Variants in GABRB1 observed in about 807,000 individuals in gnomAD.
GABRB1 encodes the protein gamma-aminobutyric acid receptor subunit beta-1.
In GABRB1, 17 loss-of-function variants were observed where a neutral mutation model predicts 51.6. The ratio of observed to expected loss-of-function variants is 0.33; its 90% CI spans 0.23 to 0.49. GABRB1 has a LOEUF of 0.49. Ranked by LOEUF, GABRB1 falls within the 20% of genes least tolerant of loss-of-function variation. The pLI is 0.99. For missense variants in GABRB1, 410 were observed against 600.6 expected, an observed-to-expected ratio of 0.68 and a Z score of 3.32; for synonymous variants, 247 against 218.9, an observed-to-expected ratio of 1.13 and a Z score of -1.14.
intron 4 of GABRB1, among the ~76,000 whole-genome samples, chr4:47,198,030 G>C (rs376833876): frequency 9.2e-5 from 14 of 152,120 alleles, no homozygotes; most frequent in East Asian, 5.8e-4. Context: ...AATATCACGA[G>C]AGGGCAGCGG....
At chr4:47,003,666 T>C (rs1298861189) in intron 1 of GABRB1, among the ~76,000 whole-genome samples, 1 of 152,178 alleles carries the variant, frequency 6.6e-6, no homozygotes, top group Non-Finnish European at 1.5e-5. Context: ...TACATTCTTT[T>C]AAGTATGGGA....
chr4:47,092,602 T>C, intron 3 of GABRB1, among the ~76,000 whole-genome samples: 1 of 148,778 alleles, frequency 6.7e-6, no homozygotes, highest in South Asian at 2.2e-4. Flanking sequence ...TGGCATCCAG[T>C]TTCTTTCTTT....
intron 3 of GABRB1, among the ~76,000 whole-genome samples, chr4:47,074,978 A>G (rs902810548): frequency 3.3e-5 from 5 of 152,184 alleles, no homozygotes; most frequent in African/African-American, 1.2e-4. Flanking sequence ...TTGCCAAGGT[A>G]TGATGAGGAA....
intron 5 of GABRB1, among the ~76,000 whole-genome samples, chr4:47,379,463 T>C (rs992857924): frequency 2.6e-5 from 4 of 152,202 alleles, no homozygotes; most frequent in Non-Finnish European, 5.9e-5. Flanking sequence ...TGTGAACTAA[T>C]GTAAGGTTTT....
intron 1 of GABRB1, among the ~76,000 whole-genome samples, chr4:47,005,783 G>A (rs1577817323): frequency 5.0e-5 from 2 of 40,042 alleles, no homozygotes; most frequent in African/African-American, 1.6e-4. Context: ...AACTCTGAAA[G>A]AGTCAACTTG....
intron 5 of GABRB1, among the ~76,000 whole-genome samples, chr4:47,346,580 C>A (rs1327913782): frequency 2.6e-5 from 4 of 152,188 alleles, no homozygotes; most frequent in Non-Finnish European, 4.4e-5. Context: ...TGATGAAAAT[C>A]TGATGCCAGA....
intron 8 of GABRB1, among the ~76,000 whole-genome samples, chr4:47,407,926 TA>T (rs1238667872): frequency 1.3e-5 from 2 of 152,104 alleles, no homozygotes; most frequent in African/African-American, 4.8e-5. Context: ...ACCTCATCTC[TA>T]CAAAAAATAT....
At chr4:47,369,816 T>C (rs914547311) in intron 5 of GABRB1, among the ~76,000 whole-genome samples, 2 of 152,116 alleles carry the variant, frequency 1.3e-5, no homozygotes, top group Admixed American at 6.5e-5. Context: ...ACACAAGACA[T>C]CACCATTCAT....
chr4:47,161,585 G>T, intron 4 of GABRB1, 116 bp downstream of exon 4: 1 of 759,482 alleles, frequency 1.3e-6, no homozygotes, highest in Non-Finnish European at 2.1e-6. Context: ...TATAAATGGG[G>T]TGTCATATAC....
At chr4:47,291,496 C>T (rs531116102) in intron 4 of GABRB1, among the ~76,000 whole-genome samples, 2 of 152,182 alleles carry the variant, frequency 1.3e-5, no homozygotes, top group Non-Finnish European at 2.9e-5. Flanking sequence ...GGGCCACTGT[C>T]CTCCAGGTCC....
chr4:47,104,156 T>G (rs1714846352), intron 3 of GABRB1, among the ~76,000 whole-genome samples: 1 of 151,722 alleles, frequency 6.6e-6, no homozygotes. Flanking sequence ...GAGATATATT[T>G]TCACTGAATA....
rs372647961 is a variant in GABRB1 at position 47,099,972 on chromosome 4, C to G, written c.241-61277C>G. Among the ~76,000 whole-genome samples, 20 of 151,922 alleles carry G rather than the reference C, an allele frequency of 1.3e-4. No individual in the cohort carries two copies. In the East Asian group the frequency reaches 3.7e-3, roughly 28 times the overall value. ...AAGAATATTTATATTCTATTTTACT[C>G]TGGAAACTACATTCAGAGATTATCA... On this transcript the variant is annotated intron_variant, in intron 3 of 8. Coordinates refer to ENST00000295454, the MANE Select transcript of GABRB1 (RefSeq NM_000812.4).
chr4:47,120,971 C>T (rs1185070836), intron 3 of GABRB1, among the ~76,000 whole-genome samples: 1 of 152,208 alleles, frequency 6.6e-6, no homozygotes, highest in Non-Finnish European at 1.5e-5. Flanking sequence ...GCTGGTGTCT[C>T]ACTAGGCTGC....
At chr4:47,312,673 T>C (rs1724746678) in intron 4 of GABRB1, among the ~76,000 whole-genome samples, 1 of 152,220 alleles carries the variant, frequency 6.6e-6, no homozygotes, top group Non-Finnish European at 1.5e-5. Context: ...TTTTCTTTCA[T>C]ACAGATTCTA....
At chr4:47,002,661 T>C (rs1018817518) in intron 1 of GABRB1, among the ~76,000 whole-genome samples, 3 of 152,146 alleles carry the variant, frequency 2.0e-5, no homozygotes, top group African/African-American at 7.2e-5. Flanking sequence ...TAAAGTATCA[T>C]AGATATATAC....
At chr4:47,333,294 T>C (rs1241294867) in intron 5 of GABRB1, among the ~76,000 whole-genome samples, 1 of 149,484 alleles carries the variant, frequency 6.7e-6, no homozygotes, top group South Asian at 2.1e-4. Flanking sequence ...AATGATGCTA[T>C]GGAAAGGGGA....
At chr4:47,339,447 T>G (rs1241072421) in intron 5 of GABRB1, among the ~76,000 whole-genome samples, 1 of 152,142 alleles carries the variant, frequency 6.6e-6, no homozygotes, top group Non-Finnish European at 1.5e-5. Context: ...TTACTTTTAT[T>G]GAATCTTTAT....
At chr4:47,029,487 GA>G (rs1195932854), upstream of GABRB1, among the ~76,000 whole-genome samples, 1 of 151,254 alleles carries the variant, frequency 6.6e-6, no homozygotes, top group Admixed American at 6.6e-5. Context: ...TAAATTTGCT[GA>G]AAACATGTTC....
chr4:47,324,283 T>TGCCCG (rs1020297539), intron 5 of GABRB1, among the ~76,000 whole-genome samples: 5 of 152,314 alleles, frequency 3.3e-5, no homozygotes, highest in Admixed American at 6.5e-5. Flanking sequence ...AGGCTGGCCC[T>TGCCCG]GCCCGCTGTG....
Sources: allele counts gnomAD v4.1 joint callset (sites outside exome capture counted in the v4.1 genomes callset), GRCh38; gene constraint gnomAD v4.1.1; transcripts MANE v1.5; gene names NCBI Gene and HGNC (gene_info 2026-07-23, HGNC 2026-07-21).